RASA1: variants seen among roughly 807,000 people sequenced by gnomAD.
RASA1 encodes RAS p21 protein activator 1, also known as ras GTPase-activating protein 1.
Under a neutral mutation model 132.2 loss-of-function variants are expected in RASA1, and 25 were observed. The observed-to-expected ratio is 0.19, with a 90% CI of 0.14 to 0.26. RASA1 has a LOEUF of 0.26. RASA1 is among the 10% of genes least tolerant of loss of function. The pLI is 1.00. For synonymous variants in RASA1, 477 were observed against 449.9 expected, an observed-to-expected ratio of 1.06 and a Z score of -0.76; for missense variants, 964 against 1,299.2, an observed-to-expected ratio of 0.74 and a Z score of 3.97.
chr5:87,282,912 A>G (rs958881814), intron 1 of RASA1, among the ~76,000 whole-genome samples: 48 of 152,268 alleles, frequency 3.2e-4, no homozygotes, highest in African/African-American at 1.1e-3. Flanking sequence ...ATATGTATAC[A>G]TTGTGGAATG....
intron 1 of RASA1, among the ~76,000 whole-genome samples, chr5:87,282,578 G>C (rs1754364610): frequency 1.3e-5 from 2 of 152,186 alleles, no homozygotes; most frequent in Admixed American, 1.3e-4. Context: ...TCCTGGATCT[G>C]TAGGTTTATG....
chr5:87,282,176 T>C (rs910989150), intron 1 of RASA1, among the ~76,000 whole-genome samples: 1 of 152,204 alleles, frequency 6.6e-6, no homozygotes, highest in Non-Finnish European at 1.5e-5. Context: ...GCTTTTCTTA[T>C]TGTTTTTTCT....
At chr5:87,322,585 C>T (rs529406821) in intron 1 of RASA1, among the ~76,000 whole-genome samples, 1 of 152,088 alleles carries the variant, frequency 6.6e-6, no homozygotes. Context: ...CTAGCTCTCC[C>T]TTTGCCTTCT....
intron 18 of RASA1, among the ~76,000 whole-genome samples, chr5:87,379,355 C>T (rs938345435): frequency 2.0e-5 from 3 of 152,118 alleles, no homozygotes; most frequent in Non-Finnish European, 4.4e-5. Context: ...TCTGCTGACA[C>T]TAGATCAGAA....
At chr5:87,292,389 T>C (rs1330175861) in intron 1 of RASA1, among the ~76,000 whole-genome samples, 2 of 150,742 alleles carry the variant, frequency 1.3e-5, no homozygotes, top group East Asian at 3.9e-4. Context: ...TTTTTTGTCA[T>C]GTGGATGTCT....
intron 1 of RASA1, among the ~76,000 whole-genome samples, chr5:87,307,282 T>G (rs1219230214): frequency 6.6e-6 from 1 of 152,222 alleles, no homozygotes; most frequent in Non-Finnish European, 1.5e-5. Context: ...TTTCTGTCCT[T>G]GTTTTCTTTT....
At chr5:87,285,936 C>T (rs1281133565) in intron 1 of RASA1, among the ~76,000 whole-genome samples, 4 of 151,846 alleles carry the variant, frequency 2.6e-5, no homozygotes, top group Admixed American at 6.6e-5. Flanking sequence ...CTCTTTTTCT[C>T]CTTTCCCACT....
At chr5:87,350,082 C>A (rs1030405063) in intron 8 of RASA1, among the ~76,000 whole-genome samples, 1 of 151,788 alleles carries the variant, frequency 6.6e-6, no homozygotes, top group Admixed American at 6.6e-5. Flanking sequence ...AGTACCACAG[C>A]AGTATTCTCT....
chr5:87,374,139 ATATATATAT>A lies in RASA1; in HGVS notation c.1777-22_1777-14del. ...ATTCTAGAAATCTGGGGTAATATAT[ATATATATAT>A]TTTTTTTTTTTTAGGTCAGCAGCCT... On this transcript the variant is annotated splice_polypyrimidine_tract_variant and intron_variant, in intron 13 of 24. Coordinates refer to ENST00000274376, the MANE Select transcript of RASA1 (RefSeq NM_002890.3). The A allele has an allele frequency of 7.3e-7, 1 of 1,374,660 alleles. No homozygotes were observed. 85.2% of individuals were successfully genotyped at this position (1,374,660 alleles called of 1,614,324 possible). A position where few individuals can be genotyped will look rare whatever the true frequency, so the allele number is the denominator to read the frequency against.
chr5:87,382,029 G>A (rs1761753079), intron 20 of RASA1, among the ~76,000 whole-genome samples: 1 of 152,100 alleles, frequency 6.6e-6, no homozygotes, highest in East Asian at 1.9e-4. Flanking sequence ...TCGGCTTACT[G>A]CAACCCCCGC....
rs538978642 is a variant in RASA1 at position 87,288,191 on chromosome 5, A to G, written c.539+19201A>G. Among the ~76,000 whole-genome samples the G allele has an allele frequency of 3.2e-4, 48 of 149,070 alleles. No individual in the cohort carries two copies. In the East Asian group the frequency reaches 9.0e-3, roughly 28 times the overall value. On this transcript the variant is annotated intron_variant, in intron 1 of 24. Coordinates refer to ENST00000274376, the MANE Select transcript of RASA1 (RefSeq NM_002890.3). ...TACACACCATATATATATATATACC[A>G]TATATATATACCAGAAGCAATTTTA...
intron 1 of RASA1, among the ~76,000 whole-genome samples, chr5:87,277,524 A>G (rs143788667): frequency 6.6e-6 from 1 of 152,296 alleles, no homozygotes; most frequent in African/African-American, 2.4e-5. Flanking sequence ...TTCATTTGTC[A>G]GCTAAGGAGA....
At chr5:87,278,149 C>T (rs926090355) in intron 1 of RASA1, among the ~76,000 whole-genome samples, 5 of 152,048 alleles carry the variant, frequency 3.3e-5, no homozygotes, top group South Asian at 2.1e-4. Context: ...AACGATAGAC[C>T]GTATCTCACC....
At chr5:87,371,865 A>G (rs1760967884) in intron 12 of RASA1, among the ~76,000 whole-genome samples, 1 of 151,726 alleles carries the variant, frequency 6.6e-6, no homozygotes, top group East Asian at 1.9e-4. Flanking sequence ...TGGCCACTCG[A>G]TGTGTTTCAT....
chr5:87,386,943 A>G, intron 23 of RASA1, 40 bp downstream of exon 23: 1 of 1,501,700 alleles, frequency 6.7e-7, no homozygotes, highest in East Asian at 2.3e-5. Flanking sequence ...TAAGACTTCT[A>G]GTTGATATAG....
intron 1 of RASA1, chr5:87,318,701 C>G (rs1031378211): frequency 2.6e-5 from 4 of 152,158 alleles, no homozygotes; most frequent in Non-Finnish European, 5.9e-5. Flanking sequence ...AATTACAATT[C>G]AACATGAGAT....
Position 87,372,175 on chromosome 5 carries a change from T to G in RASA1, c.1756T>G (p.Ser586Ala). The G allele has an allele frequency of 6.2e-7, 1 of 1,613,688 alleles. No homozygotes were observed. Among genetic ancestry groups the G allele is most frequent in the Non-Finnish European group, 8.5e-7 (1 of 1,179,746 alleles). ...TTTACGGAAAAGTAGTCCAGGGACA[T>G]CCAATAAACGCCTTCGTCAGGTGAA... ...CNLRKSSPGT[S>A]NKRLRQVSSL... Residue 586 changes from serine to alanine, a missense_variant, in exon 13 of 25, where the codon TCC becomes GCC. Ser to Ala is a moderately conservative substitution (Grantham distance 99). This residue lies in a region of RASA1 where 346 missense variants were observed against 520.1 expected (regional missense o/e 0.67). Transcript: ENST00000274376.
intron 1 of RASA1, among the ~76,000 whole-genome samples, chr5:87,290,143 A>G (rs1179071159): frequency 1.3e-5 from 2 of 152,204 alleles, no homozygotes; most frequent in Non-Finnish European, 2.9e-5. Flanking sequence ...TCTGCCTTGC[A>G]TCTTTACCCA....
At chr5:87,353,642 T>G (rs1207768206) in intron 9 of RASA1, among the ~76,000 whole-genome samples, 1 of 152,148 alleles carries the variant, frequency 6.6e-6, no homozygotes, top group Non-Finnish European at 1.5e-5. Flanking sequence ...TTTATTTGCC[T>G]GTAGTTTTAC....
Sources: gnomAD v4.1 joint callset for allele counts (sites outside exome capture counted in the v4.1 genomes callset) on GRCh38, gnomAD v4.1.1 for gene constraint, gnomAD v4.1.1 regional missense constraint, MANE v1.5 for transcripts, NCBI Gene and HGNC (gene_info 2026-07-23, HGNC 2026-07-21) for gene names.